Variants in GABRG2 observed in about 807,000 individuals in gnomAD.
The protein encoded by GABRG2 is gamma-aminobutyric acid receptor subunit gamma-2.
Under a neutral mutation model 56.4 loss-of-function variants are expected in GABRG2, and 16 were observed. The observed-to-expected ratio is 0.28, with a 90% CI of 0.19 to 0.43. The LOEUF (loss-of-function observed/expected upper bound fraction) is 0.43, where lower values mean the gene tolerates loss of function less well. Among genes scored for constraint, GABRG2 ranks in the 20% least tolerant of loss-of-function variants. The pLI, the probability that GABRG2 is intolerant of heterozygous loss-of-function variation, is 1.00. For missense variants in GABRG2, 327 were observed against 582.7 expected (o/e 0.56, Z 4.52); for synonymous variants, 208 against 205.5 (o/e 1.01, Z -0.10).
chr5:162,097,968 C>A, intron 4 of GABRG2, 110 bp downstream of exon 4: 1 of 949,070 alleles, frequency 1.1e-6, no homozygotes, highest in Non-Finnish European at 1.6e-6. Context: ...AATTTCAAGA[C>A]TGCATCAGGG....
At chr5:162,128,178 A>T (rs1763473445) in intron 6 of GABRG2, 1 of 152,036 alleles carries the variant, frequency 6.6e-6, no homozygotes, top group East Asian at 1.9e-4. Context: ...TGGAGATCAC[A>T]GAAGGTGGCT....
At chr5:162,133,371 G>A (rs150429725) in intron 6 of GABRG2, among the ~76,000 whole-genome samples, 5 of 151,988 alleles carry the variant, frequency 3.3e-5, no homozygotes, top group African/African-American at 9.7e-5. Context: ...CAACTTACTC[G>A]CATTTCTGTA....
intron 6 of GABRG2, among the ~76,000 whole-genome samples, chr5:162,135,517 A>G (rs1330392109): frequency 1.3e-5 from 2 of 152,300 alleles, no homozygotes; most frequent in East Asian, 3.9e-4. Flanking sequence ...AATAGTGAGC[A>G]AAATAGCTAG....
chr5:162,126,985 T>A (rs1345782565), intron 6 of GABRG2, among the ~76,000 whole-genome samples: 1 of 151,990 alleles, frequency 6.6e-6, no homozygotes. Context: ...TGAACATTTT[T>A]AAATTTACAA....
intron 6 of GABRG2, chr5:162,128,186 G>C (rs532494703): frequency 3.3e-5 from 5 of 152,060 alleles, no homozygotes; most frequent in African/African-American, 1.2e-4. Flanking sequence ...ACAGAAGGTG[G>C]CTGCACGCCA....
chr5:162,147,003 G>A (rs1356293924), intron 7 of GABRG2, among the ~76,000 whole-genome samples: 2 of 152,200 alleles, frequency 1.3e-5, no homozygotes, highest in Admixed American at 1.3e-4. Flanking sequence ...GGAGACAACA[G>A]TAATTTTATT....
At chr5:162,094,309 A>C in intron 2 of GABRG2, 1 of 334,176 alleles carries the variant, frequency 3.0e-6, no homozygotes, top group Non-Finnish European at 5.6e-6. Flanking sequence ...AGACAATAAC[A>C]GTAAAGAGAG....
intron 7 of GABRG2, among the ~76,000 whole-genome samples, chr5:162,143,754 A>T (rs937647848): frequency 6.6e-6 from 1 of 152,196 alleles, no homozygotes; most frequent in Non-Finnish European, 1.5e-5. Context: ...AATTTCCTGT[A>T]CCTAACTTAT....
intron 6 of GABRG2, among the ~76,000 whole-genome samples, chr5:162,123,361 GA>G (rs2113494899): frequency 6.7e-6 from 1 of 148,958 alleles, no homozygotes; most frequent in South Asian, 2.2e-4. Context: ...CTAGGCATAT[GA>G]AACCTTTATT....
At chr5:162,075,612 G>T (rs114370934) in intron 1 of GABRG2, among the ~76,000 whole-genome samples, 2,472 of 151,962 alleles carry the variant, frequency 0.016, 25 homozygotes, top group Admixed American at 0.028. Context: ...AGCCTCTAAC[G>T]GATGTTCAAT....
chr5:162,089,519 T>C (rs1760397906), intron 1 of GABRG2, among the ~76,000 whole-genome samples: 1 of 152,170 alleles, frequency 6.6e-6, no homozygotes, highest in South Asian at 2.1e-4. Flanking sequence ...TAGATTTATT[T>C]TGACGTATAA....
At chr5:162,090,307 C>G (rs148095523) in intron 1 of GABRG2, among the ~76,000 whole-genome samples, 21 of 139,738 alleles carry the variant, frequency 1.5e-4, no homozygotes, top group African/African-American at 5.1e-4. Context: ...CATAGACATA[C>G]ACATACACAT....
chr5:162,112,052 C>G (rs1468089258), intron 6 of GABRG2, among the ~76,000 whole-genome samples: 1 of 152,068 alleles, frequency 6.6e-6, no homozygotes, highest in Non-Finnish European at 1.5e-5. Flanking sequence ...GTCATTACTA[C>G]TCACAAGTTA....
intron 6 of GABRG2, among the ~76,000 whole-genome samples, chr5:162,115,659 G>A (rs905697555): frequency 2.0e-5 from 3 of 152,118 alleles, no homozygotes; most frequent in Admixed American, 2.0e-4. Context: ...GGCTTTCAGA[G>A]AGGAAGGAAA....
intron 6 of GABRG2, 22 bp downstream of exon 6, chr5:162,104,048 T>G (rs1239546151): frequency 6.2e-7 from 1 of 1,613,524 alleles, no homozygotes; most frequent in Non-Finnish European, 8.5e-7. Flanking sequence ...TGGCAAAGAA[T>G]TTCAAGTGAC....
chr5:162,075,761 A>G (rs190315981), intron 1 of GABRG2, among the ~76,000 whole-genome samples: 86 of 152,270 alleles, frequency 5.6e-4, no homozygotes, highest in African/African-American at 2.0e-3. Flanking sequence ...GGAAAAAAAA[A>G]TAAAAGAAAA....
At chr5:162,147,704 A>G (rs193286716) in intron 7 of GABRG2, among the ~76,000 whole-genome samples, 216 of 152,278 alleles carry the variant, frequency 1.4e-3, no homozygotes, top group Middle Eastern at 6.8e-3. Flanking sequence ...CTTTTGACAG[A>G]GGAGAATCTG....
At chr5:162,079,616 T>A (rs976439312) in intron 1 of GABRG2, among the ~76,000 whole-genome samples, 19 of 151,794 alleles carry the variant, frequency 1.3e-4, no homozygotes, top group South Asian at 4.1e-4. Flanking sequence ...GGGCATAATT[T>A]AAAAAAATAA....
chr5:162,082,778 G>C (rs1438132866), intron 1 of GABRG2, among the ~76,000 whole-genome samples: 1 of 150,618 alleles, frequency 6.6e-6, no homozygotes, highest in Non-Finnish European at 1.5e-5. Context: ...GAGAGTAGGA[G>C]GAAGGAGGAA....
Sources: gnomAD v4.1 joint callset for allele counts (sites outside exome capture counted in the v4.1 genomes callset) on GRCh38, gnomAD v4.1.1 for gene constraint, MANE v1.5 for transcripts, NCBI Gene and HGNC (gene_info 2026-07-23, HGNC 2026-07-21) for gene names.